CGNL1: variants seen among roughly 807,000 people sequenced by gnomAD.
The protein encoded by CGNL1 is cingulin-like protein 1.
CGNL1 carries 132 observed loss-of-function variants against 141.2 expected under a neutral mutation model. The observed-to-expected ratio is 0.93, with a 90% CI of 0.81 to 1.08. The LOEUF is 1.08. CGNL1 is among the 50% of genes least tolerant of loss of function. The pLI, the probability that CGNL1 is intolerant of heterozygous loss-of-function variation, is 0.00. For missense variants in CGNL1, 1,870 were observed against 1,588.6 expected (o/e 1.18, Z -3.01); for synonymous variants, 690 against 622.1 (o/e 1.11, Z -1.63).
At chr15:57,494,847 T>C (rs902083239) in intron 8 of CGNL1, among the ~76,000 whole-genome samples, 37 of 152,236 alleles carry the variant, frequency 2.4e-4, no homozygotes, top group African/African-American at 8.7e-4. Flanking sequence ...CACTGGCGTG[T>C]TTGCCATCCC....
rs1468146737 is a variant in CGNL1 at position 57,550,404 on chromosome 15, A to C, written c.*2914A>C. ...ATACTTTTCTTCTGTTTTTTGCTTT[A>C]AGAACTAACCCCGATCAAGAGTATT... is the stretch of plus-strand genomic sequence containing the variant. On this transcript the variant is annotated 3_prime_UTR_variant, in exon 19 of 19. Transcript: ENST00000281282. 1 of 152,588 alleles carries C rather than the reference A, an allele frequency of 6.6e-6. No homozygotes were observed. Among genetic ancestry groups the C allele is most frequent in the Admixed American group, 6.5e-5 (1 of 15,276 alleles). The allele number at this position is 152,588 out of a possible 1,614,324, so 9.5% of individuals were successfully genotyped here.
At chr15:57,403,349 G>T (rs1246005889) in intron 1 of CGNL1, among the ~76,000 whole-genome samples, 1 of 152,164 alleles carries the variant, frequency 6.6e-6, no homozygotes, top group African/African-American at 2.4e-5. Context: ...TGCAAGCATG[G>T]GAGTGTGTTT....
intron 18 of CGNL1, 59 bp downstream of exon 18, chr15:57,546,298 C>A: frequency 6.7e-7 from 1 of 1,490,530 alleles, no homozygotes. Context: ...GAGACAGGCT[C>A]TGCTTTCAGA....
At chr15:57,393,883 C>G (rs1312375510) in intron 1 of CGNL1, 1 of 151,004 alleles carries the variant, frequency 6.6e-6, no homozygotes, top group Non-Finnish European at 1.5e-5. Flanking sequence ...ACTTCTATGT[C>G]ACTAAACAGT....
At chr15:57,395,460 A>G (rs1370754768) in intron 1 of CGNL1, among the ~76,000 whole-genome samples, 1 of 152,256 alleles carries the variant, frequency 6.6e-6, no homozygotes, top group Non-Finnish European at 1.5e-5. Context: ...CTTGAAATGA[A>G]TGCTGTGATT....
At chr15:57,446,899 C>T (rs1489447802) in intron 4 of CGNL1, among the ~76,000 whole-genome samples, 1 of 152,122 alleles carries the variant, frequency 6.6e-6, no homozygotes, top group Non-Finnish European at 1.5e-5. Flanking sequence ...CTACTTGTCT[C>T]TCCTTACACT....
chr15:57,542,560 G>C (rs560291477), intron 14 of CGNL1, among the ~76,000 whole-genome samples: 2 of 152,348 alleles, frequency 1.3e-5, no homozygotes, highest in South Asian at 4.1e-4. Context: ...AAACCCTCAG[G>C]AGTGTTCAGC....
intron 8 of CGNL1, among the ~76,000 whole-genome samples, chr15:57,464,121 C>G (rs2063480480): frequency 6.6e-6 from 1 of 151,028 alleles, no homozygotes; most frequent in South Asian, 2.1e-4. Context: ...ACCTCTGGGG[C>G]CAGACAGGGA....
intron 1 of CGNL1, chr15:57,398,333 C>T (rs1472231361): frequency 1.3e-5 from 2 of 151,540 alleles, no homozygotes; most frequent in African/African-American, 4.9e-5. Flanking sequence ...TTTTTTCCTG[C>T]AAGCAAGATA....
At chr15:57,511,183 T>A (rs576823943) in intron 8 of CGNL1, among the ~76,000 whole-genome samples, 1 of 152,230 alleles carries the variant, frequency 6.6e-6, no homozygotes, top group African/African-American at 2.4e-5. Context: ...AGCCCCAGTT[T>A]CCTGCCTCAT....
At chr15:57,395,966 A>G (rs1475320691) in intron 1 of CGNL1, among the ~76,000 whole-genome samples, 2 of 152,196 alleles carry the variant, frequency 1.3e-5, no homozygotes, top group African/African-American at 4.8e-5. Context: ...CTACTATTCT[A>G]TCACCACAGA....
intron 8 of CGNL1, among the ~76,000 whole-genome samples, chr15:57,486,044 T>C (rs926325997): frequency 2.6e-5 from 4 of 152,104 alleles, no homozygotes; most frequent in Non-Finnish European, 5.9e-5. Flanking sequence ...GTCAGGGGTC[T>C]GGAATCAGAA....
chr15:57,529,298 C>T (rs530359875), intron 13 of CGNL1, among the ~76,000 whole-genome samples: 12 of 152,252 alleles, frequency 7.9e-5, no homozygotes, highest in African/African-American at 2.2e-4. Flanking sequence ...TGCCAGAGCT[C>T]GCAGCACACT....
At chr15:57,503,652 G>T (rs1274084558) in intron 8 of CGNL1, among the ~76,000 whole-genome samples, 1 of 152,170 alleles carries the variant, frequency 6.6e-6, no homozygotes, top group Non-Finnish European at 1.5e-5. Flanking sequence ...CCTGAAGCTG[G>T]GAAGAAAAAG....
chr15:57,390,700 A>G (rs558154316), intron 1 of CGNL1, among the ~76,000 whole-genome samples: 2 of 152,230 alleles, frequency 1.3e-5, no homozygotes, highest in East Asian at 3.9e-4. Context: ...AGGCCTTGGC[A>G]TTTCCTGTAC....
rs2063136559 is a variant in CGNL1 at position 57,438,458 on chromosome 15, A to G, written c.459A>G (p.Gln153=). ...TTCAGAGGCATCCAGAGCTTTTGCA[A>G]CCCTATGACCCTGAAAAGAATGAGT... ...LNFQRHPELL[Q]PYDPEKNELN... The change falls in exon 2 of 19, where the codon CAA becomes CAG. Residue 153 remains glutamine, a synonymous_variant. Transcript: ENST00000281282. The G allele has an allele frequency of 3.7e-6, 6 of 1,614,174 alleles. No individual in the cohort carries two copies. The highest frequency in any genetic ancestry group is 1.3e-5 in the African/African-American group (1 of 75,038).
At chr15:57,425,763 G>A (rs1850295455) in intron 1 of CGNL1, among the ~76,000 whole-genome samples, 1 of 144,626 alleles carries the variant, frequency 6.9e-6, no homozygotes, top group Non-Finnish European at 1.5e-5. Context: ...AAAAAAATCC[G>A]CATTCATATG....
At chr15:57,458,140 T>G (rs2063402040) in intron 7 of CGNL1, among the ~76,000 whole-genome samples, 1 of 152,214 alleles carries the variant, frequency 6.6e-6, no homozygotes, top group South Asian at 2.1e-4. Flanking sequence ...GTTCTTATGA[T>G]GTATAAGGAC....
chr15:57,409,278 T>A (rs2062759643), intron 1 of CGNL1, among the ~76,000 whole-genome samples: 1 of 152,158 alleles, frequency 6.6e-6, no homozygotes, highest in African/African-American at 2.4e-5. Flanking sequence ...TGTGAGTAGG[T>A]GCAGAGCCTG....
Sources: allele counts gnomAD v4.1 joint callset (sites outside exome capture counted in the v4.1 genomes callset), GRCh38; gene constraint gnomAD v4.1.1; transcripts MANE v1.5; gene names NCBI Gene and HGNC (gene_info 2026-07-23, HGNC 2026-07-21).